CAMSAP1: variants seen among roughly 807,000 people sequenced by gnomAD.
CAMSAP1 encodes calmodulin-regulated spectrin-associated protein 1.
Under a neutral mutation model 143.5 loss-of-function variants are expected in CAMSAP1, and 58 were observed. The observed-to-expected ratio is 0.40, with a 90% CI of 0.33 to 0.50. The LOEUF (loss-of-function observed/expected upper bound fraction) is 0.50, where lower values mean the gene tolerates loss of function less well. Among genes scored for constraint, CAMSAP1 ranks in the 20% least tolerant of loss-of-function variants. The pLI is 0.45. For missense variants in CAMSAP1, 1,969 were observed against 2,115.7 expected, an observed-to-expected ratio of 0.93 and a Z score of 1.36; for synonymous variants, 945 against 859.3, an observed-to-expected ratio of 1.10 and a Z score of -1.74.
At chr9:135,906,426 G>A (rs1838779153) in intron 1 of CAMSAP1, among the ~76,000 whole-genome samples, 1 of 152,224 alleles carries the variant, frequency 6.6e-6, no homozygotes, top group Non-Finnish European at 1.5e-5. Flanking sequence ...GCACATTAGG[G>A]CCTAACAAAC....
chr9:135,875,761 C>T lies in CAMSAP1; in HGVS notation c.585+5872G>A, dbSNP rs184821099. 2.5e-3 allele frequency among the ~76,000 whole-genome samples: 379 copies of T among 152,272 alleles called. 2 individuals carry two copies. Among genetic ancestry groups the T allele is most frequent in the Middle Eastern group, 0.024 (7 of 294 alleles). ...GAAAAAAATGAACCTCAACCCTTCCCTCATATCATTCATAAAAATGAACTC... is the reference window on the plus strand; with the variant it reads ...GAAAAAAATGAACCTCAACCCTTCCTTCATATCATTCATAAAAATGAACTC... On this transcript the variant is annotated intron_variant, in intron 3 of 16. Coordinates refer to ENST00000389532, the MANE Select transcript of CAMSAP1 (RefSeq NM_015447.4).
At chr9:135,900,642 C>A (rs2131027763) in intron 1 of CAMSAP1, among the ~76,000 whole-genome samples, 1 of 151,926 alleles carries the variant, frequency 6.6e-6, no homozygotes, top group East Asian at 2.0e-4. Flanking sequence ...TTGCAGTGAG[C>A]CAAGATCATG....
chr9:135,880,095 C>G (rs1190843509), intron 3 of CAMSAP1, among the ~76,000 whole-genome samples: 1 of 151,980 alleles, frequency 6.6e-6, no homozygotes. Flanking sequence ...TTTTCTATAA[C>G]TATGTCATTT....
chr9:135,894,220 C>T lies in CAMSAP1; in HGVS notation c.161-11142G>A, dbSNP rs1838377790. 1.3e-5 allele frequency among the ~76,000 whole-genome samples: 2 copies of T among 152,154 alleles called. 1 individual carries two copies. Among genetic ancestry groups the T allele is most frequent in the Admixed American group, 1.3e-4 (2 of 15,284 alleles). The stretch of plus-strand genomic sequence containing the variant: ...CCCCATCAGGCGGACCTGAGACACC[C>T]CTCCCACAAACTAGACACACCCTGC... On this transcript the variant is annotated intron_variant, in intron 1 of 16. Coordinates refer to ENST00000389532, the MANE Select transcript of CAMSAP1 (RefSeq NM_015447.4).
intron 10 of CAMSAP1, among the ~76,000 whole-genome samples, chr9:135,823,704 T>C (rs1835569019): frequency 6.6e-6 from 1 of 152,182 alleles, no homozygotes; most frequent in Non-Finnish European, 1.5e-5. Flanking sequence ...TGGACCCTCA[T>C]ACCTGACTCC....
intron 7 of CAMSAP1, among the ~76,000 whole-genome samples, chr9:135,849,654 T>A (rs530997583): frequency 6.6e-6 from 1 of 152,348 alleles, no homozygotes; most frequent in East Asian, 1.9e-4. Context: ...TTTTTAAAAT[T>A]ATCTTTATCA....
At chr9:135,860,060 A>T (rs557906328) in intron 5 of CAMSAP1, among the ~76,000 whole-genome samples, 11 of 151,666 alleles carry the variant, frequency 7.3e-5, no homozygotes, top group South Asian at 4.2e-4. Context: ...AAAAAATAAA[A>T]AAATACAAAA....
At chr9:135,893,996 A>ACCCC in intron 1 of CAMSAP1, among the ~76,000 whole-genome samples, 1 of 151,600 alleles carries the variant, frequency 6.6e-6, no homozygotes, top group African/African-American at 2.4e-5. Flanking sequence ...TGTTCTTACG[A>ACCCC]CCCCCCACCC....
At chr9:135,880,057 T>C (rs1837889456) in intron 3 of CAMSAP1, among the ~76,000 whole-genome samples, 1 of 152,150 alleles carries the variant, frequency 6.6e-6, no homozygotes, top group African/African-American at 2.4e-5. Flanking sequence ...TTACATTTTA[T>C]TCTTTTTGTT....
At chr9:135,896,791 C>T (rs1053400321) in intron 1 of CAMSAP1, among the ~76,000 whole-genome samples, 5 of 152,206 alleles carry the variant, frequency 3.3e-5, no homozygotes, top group African/African-American at 7.2e-5. Flanking sequence ...AAAATTCACA[C>T]GGCAACCTAA....
intron 1 of CAMSAP1, among the ~76,000 whole-genome samples, chr9:135,899,056 G>T (rs1007309956): frequency 1.3e-5 from 2 of 152,102 alleles, no homozygotes; most frequent in Admixed American, 1.3e-4. Context: ...AAAATACTAC[G>T]CTAAGTGAAA....
In CAMSAP1 at chr9:135,821,047, A is replaced by C; in HGVS notation, c.3614T>G (p.Val1205Gly). 6.2e-7 allele frequency: 1 copy of C among 1,613,914 alleles called. No homozygotes were observed. The highest frequency in any genetic ancestry group is 1.1e-5 in the South Asian group (1 of 91,068). Residue 1205 changes from valine (V) to glycine (G), a missense_variant, in exon 11 of 17, where the codon GTG becomes GGG. By Grantham distance (109) the Val-to-Gly change is moderately radical. Transcript: ENST00000389532. The surrounding 1 kb of genome is among the most constrained non-coding windows in gnomAD (Gnocchi z 4.6). ...TGAGGAGCTGGACCCCACCTCCTTC[A>C]CACTCGCATCCAGAACTTCTTTGAG... ...MSLKEVLDAS[V>G]KEVGSSSSDV...
chr9:135,825,532 T>C (rs765997006), intron 8 of CAMSAP1, among the ~76,000 whole-genome samples: 7 of 152,138 alleles, frequency 4.6e-5, no homozygotes, highest in Non-Finnish European at 8.8e-5. Context: ...TGTGAAGGCC[T>C]CACTCCCGGG....
chr9:135,888,360 G>C (rs535355220), intron 1 of CAMSAP1, among the ~76,000 whole-genome samples: 65 of 152,292 alleles, frequency 4.3e-4, no homozygotes, highest in African/African-American at 1.5e-3. Context: ...CTCGGGAGGA[G>C]GTGTCCACAC....
At chr9:135,868,385 C>G in intron 3 of CAMSAP1, among the ~76,000 whole-genome samples, 1 of 152,142 alleles carries the variant, frequency 6.6e-6, no homozygotes, top group East Asian at 1.9e-4. Context: ...GAGCCATTAA[C>G]AAACCAGTTA....
intron 7 of CAMSAP1, among the ~76,000 whole-genome samples, chr9:135,830,515 C>T (rs1835822805): frequency 6.6e-6 from 1 of 152,290 alleles, no homozygotes; most frequent in South Asian, 2.1e-4. Flanking sequence ...TCTATGTACC[C>T]ACATCAGACC....
At chr9:135,878,402 G>C (rs1441599403) in intron 3 of CAMSAP1, among the ~76,000 whole-genome samples, 1 of 152,242 alleles carries the variant, frequency 6.6e-6, no homozygotes. Flanking sequence ...GATTACCCAG[G>C]TGTGGGTGTG....
At chr9:135,864,953 T>C (rs953202782) in intron 4 of CAMSAP1, among the ~76,000 whole-genome samples, 3 of 152,174 alleles carry the variant, frequency 2.0e-5, no homozygotes, top group African/African-American at 7.2e-5. Flanking sequence ...TCCTAACAGA[T>C]GTCACATTAC....
intron 7 of CAMSAP1, among the ~76,000 whole-genome samples, chr9:135,839,611 G>A (rs1041385419): frequency 5.3e-5 from 8 of 152,120 alleles, no homozygotes; most frequent in Non-Finnish European, 7.4e-5. Flanking sequence ...GGTACTGTAC[G>A]CCTGCTGACA....
Sources: allele counts gnomAD v4.1 joint callset (sites outside exome capture counted in the v4.1 genomes callset), GRCh38; gene constraint gnomAD v4.1.1; non-coding constraint Gnocchi (gnomAD v3.1); transcripts MANE v1.5; gene names NCBI Gene and HGNC (gene_info 2026-07-23, HGNC 2026-07-21).